The following CNNM2 variants were observed in gnomAD, a reference collection of about 807,000 sequenced individuals.
The protein encoded by CNNM2 is cyclin and CBS domain divalent metal cation transport mediator 2.
A neutral mutation model predicts 66.9 loss-of-function variants in CNNM2; 12 were observed. The observed-to-expected ratio is 0.18, with a 90% confidence interval of 0.11 to 0.29. CNNM2 has a LOEUF of 0.29. Ranked by LOEUF, CNNM2 falls within the 10% of genes least tolerant of loss-of-function variation. CNNM2 has a pLI of 1.00. For missense variants in CNNM2, 705 were observed against 1,167.7 expected, an observed-to-expected ratio of 0.60 and a Z score of 5.77; for synonymous variants, 557 against 501.8, an observed-to-expected ratio of 1.11 and a Z score of -1.47.
chr10:102,944,301 A>G (rs939662547), intron 1 of CNNM2, among the ~76,000 whole-genome samples: 2 of 151,566 alleles, frequency 1.3e-5, no homozygotes, highest in African/African-American at 4.9e-5. Context: ...CTGGCCTCGA[A>G]CTCCTGAATT....
intron 1 of CNNM2, among the ~76,000 whole-genome samples, chr10:103,016,379 T>C (rs1335928320): frequency 6.6e-6 from 1 of 152,100 alleles, no homozygotes; most frequent in African/African-American, 2.4e-5. Flanking sequence ...TTCAAAATAT[T>C]GAAAAGATTT....
At chr10:102,943,870 A>G (rs989449224) in intron 1 of CNNM2, among the ~76,000 whole-genome samples, 2 of 152,150 alleles carry the variant, frequency 1.3e-5, no homozygotes, top group Non-Finnish European at 2.9e-5. Flanking sequence ...AAGAGTACTT[A>G]GTTCTGTTCG....
At chr10:103,019,019 G>A (rs2064514791) in intron 1 of CNNM2, among the ~76,000 whole-genome samples, 1 of 150,816 alleles carries the variant, frequency 6.6e-6, no homozygotes. Context: ...TGTAATCCCA[G>A]CACTTTGGGA....
At chr10:103,003,062 T>G (rs578253238) in intron 1 of CNNM2, among the ~76,000 whole-genome samples, 118 of 152,018 alleles carry the variant, frequency 7.8e-4, no homozygotes, top group Non-Finnish European at 1.3e-3. Flanking sequence ...TATGGACTAT[T>G]ATTCAGCCAT....
chr10:102,963,537 T>C (rs1204592777), intron 1 of CNNM2, among the ~76,000 whole-genome samples: 1 of 152,240 alleles, frequency 6.6e-6, no homozygotes, highest in African/African-American at 2.4e-5. Context: ...CCATCTGCTT[T>C]ATCTGCCGTT....
At chr10:102,948,282 A>G (rs533363412) in intron 1 of CNNM2, among the ~76,000 whole-genome samples, 15 of 152,176 alleles carry the variant, frequency 9.9e-5, no homozygotes, top group African/African-American at 3.4e-4. Context: ...TGTGGGGGAG[A>G]AGTACTTAGT....
At chr10:103,060,914 A>G (rs2065374904) in intron 4 of CNNM2, among the ~76,000 whole-genome samples, 1 of 152,212 alleles carries the variant, frequency 6.6e-6, no homozygotes, top group Non-Finnish European at 1.5e-5. Flanking sequence ...TAGAGAAAAC[A>G]TATAGAATGT....
At chr10:102,986,878 G>C (rs1173689323) in intron 1 of CNNM2, among the ~76,000 whole-genome samples, 2 of 151,872 alleles carry the variant, frequency 1.3e-5, no homozygotes, top group Non-Finnish European at 2.9e-5. Context: ...TAGGGATTTT[G>C]TGTAAGTGTT....
At chr10:103,024,531 T>C (rs1398941197) in intron 1 of CNNM2, among the ~76,000 whole-genome samples, 1 of 152,172 alleles carries the variant, frequency 6.6e-6, no homozygotes, top group Admixed American at 6.6e-5. Context: ...CAGGCTGGAA[T>C]GCGGTGGCGT....
At position 102,918,500 on chromosome 10, in the gene CNNM2, G is replaced by T. The variant is rs1395382591; in HGVS notation, c.20G>T (p.Cys7Phe). The T allele has an allele frequency of 6.2e-7, 1 of 1,607,640 alleles. No homozygotes were observed. Among genetic ancestry groups the T allele is most frequent in the East Asian group, 2.3e-5 (1 of 44,436 alleles). MIGCGA[C>F]EPKVKMAGGQ... Reference sequence around the variant, plus strand: ...CACCCTATGATTGGCTGTGGCGCTTGTGAACCCAAAGTAAAGATGGCGGGC... The same window carrying T: ...CACCCTATGATTGGCTGTGGCGCTTTTGAACCCAAAGTAAAGATGGCGGGC... Residue 7 changes from cysteine (C) to phenylalanine (F), a missense_variant, in exon 1 of 8, where the codon TGT (cysteine) becomes TTT (phenylalanine). Around this residue, in one of 9 missense-constraint regions of CNNM2, gnomAD observed 98 missense variants for 73.6 expected, o/e 1.33. Transcript: ENST00000369878. This position sits in a 1 kb window ranked among gnomAD's most constrained non-coding sequence, Gnocchi z 4.1.
At chr10:102,963,018 G>T (rs910360352) in intron 1 of CNNM2, among the ~76,000 whole-genome samples, 1 of 152,126 alleles carries the variant, frequency 6.6e-6, no homozygotes, top group East Asian at 1.9e-4. Context: ...GACACATTAT[G>T]TGTAGGTACA....
intron 3 of CNNM2, 35 bp from the exon 4 acceptor site, chr10:103,056,760 T>C (rs1472623984): frequency 2.5e-6 from 4 of 1,594,058 alleles, no homozygotes; most frequent in Non-Finnish European, 3.4e-6. Context: ...TCTCTCTGTT[T>C]GAAATGTAAT....
chr10:103,052,547 T>TC lies in CNNM2; in HGVS notation c.1766-1781dup, dbSNP rs200194198. Among the ~76,000 whole-genome samples, 1,645 of 151,156 alleles carry TC rather than the reference T, an allele frequency of 0.011. 30 individuals are homozygous for TC. Among genetic ancestry groups the TC allele is most frequent in the African/African-American group, 0.034 (1,418 of 41,164 alleles). On this transcript the variant is annotated intron_variant, in intron 2 of 7. Coordinates refer to ENST00000369878, the MANE Select transcript of CNNM2 (RefSeq NM_017649.5). Reference sequence around the variant, plus strand: ...TTTTTTTTTTTAGACTAAGTCTTGCTCTATTGCCCAGGCTGGAGTGCAGTG... The same window carrying TC: ...TTTTTTTTTTTAGACTAAGTCTTGCTCCTATTGCCCAGGCTGGAGTGCAGTG...
At chr10:102,986,013 G>A (rs575525090) in intron 1 of CNNM2, among the ~76,000 whole-genome samples, 51 of 152,114 alleles carry the variant, frequency 3.4e-4, no homozygotes, top group Non-Finnish European at 6.5e-4. Flanking sequence ...TGCTTGCCCT[G>A]ATGTACCTGT....
In CNNM2 at chr10:103,084,773, T is replaced by G. The variant is rs2134381217; in HGVS notation, c.*7593T>G. The G allele has an allele frequency of 6.6e-6, 1 of 152,126 alleles. No homozygotes were observed. Among genetic ancestry groups the G allele is most frequent in the South Asian group, 2.1e-4 (1 of 4,776 alleles). 9.4% of individuals were successfully genotyped at this position (152,126 alleles called of 1,614,324 possible). A position where few individuals can be genotyped will look rare whatever the true frequency, so the allele number is the denominator to read the frequency against. The stretch of plus-strand genomic sequence containing the variant: ...CTAGAGCCGTTTTTCAACTCGGCAC[T>G]TCTGAGGAAACAAATATTGATCAGA... On this transcript the variant is annotated 3_prime_UTR_variant, in exon 8 of 8. Coordinates refer to ENST00000369878, the MANE Select transcript of CNNM2 (RefSeq NM_017649.5).
At chr10:103,068,377 A>G in intron 4 of CNNM2, 1 of 404,184 alleles carries the variant, frequency 2.5e-6, no homozygotes, top group South Asian at 4.0e-5. Flanking sequence ...TAAGTTTTTA[A>G]TTTAAGAATT....
At position 103,031,087 on chromosome 10, in the gene CNNM2, A is replaced by G. The variant is rs145035812; in HGVS notation, c.1622-18620A>G. Among the ~76,000 whole-genome samples, 215 of 152,306 alleles carry G rather than the reference A, an allele frequency of 1.4e-3. 1 individual carries two copies. Among genetic ancestry groups the G allele is most frequent in the African/African-American group, 5.0e-3 (208 of 41,556 alleles). The stretch of plus-strand genomic sequence containing the variant: ...ATGCTCCCTTTGTTGTAGTTACTCA[A>G]TTAGTGCATCGTGAAAAGCATATTA... On this transcript the variant is annotated intron_variant, in intron 1 of 7. Transcript: ENST00000369878.
intron 1 of CNNM2, among the ~76,000 whole-genome samples, chr10:102,926,210 A>C (rs1421335377): frequency 1.3e-5 from 2 of 152,222 alleles, no homozygotes; most frequent in African/African-American, 4.8e-5. Flanking sequence ...TTAACAAATA[A>C]TATAAGTGAA....
Position 102,918,312 on chromosome 10 carries a change from C to T in CNNM2, c.-169C>T. 2 of 1,199,646 alleles carry T rather than the reference C, an allele frequency of 1.7e-6. No individual in the cohort carries two copies. Among genetic ancestry groups the T allele is most frequent in the Non-Finnish European group, 2.2e-6 (2 of 900,496 alleles). 74.3% of individuals were successfully genotyped at this position (1,199,646 alleles called of 1,614,324 possible). On this transcript the variant is annotated 5_prime_UTR_variant, in exon 1 of 8. Coordinates refer to ENST00000369878, the MANE Select transcript of CNNM2 (RefSeq NM_017649.5). This position sits in a 1 kb window ranked among gnomAD's most constrained non-coding sequence, Gnocchi z 4.1. Reference sequence around the variant, plus strand: ...CTCCTCTCCCTCCCTCTTTCCCTCCCGCGAGCCTCGGGGTTCCTCAGCTGG... The same window carrying T: ...CTCCTCTCCCTCCCTCTTTCCCTCCTGCGAGCCTCGGGGTTCCTCAGCTGG...
Sources: allele counts gnomAD v4.1 joint callset (sites outside exome capture counted in the v4.1 genomes callset), GRCh38; gene constraint gnomAD v4.1.1; regional missense constraint gnomAD v4.1.1; non-coding constraint Gnocchi (gnomAD v3.1); transcripts MANE v1.5; gene names NCBI Gene and HGNC (gene_info 2026-07-23, HGNC 2026-07-21).